EPHB1: variants seen among roughly 807,000 people sequenced by gnomAD.
EPHB1 encodes ephrin type-B receptor 1.
In EPHB1, 30 loss-of-function variants were observed where a neutral mutation model predicts 94.4. The ratio of observed to expected loss-of-function variants is 0.32; its 90% CI spans 0.24 to 0.43. The LOEUF is 0.43. Ranked by LOEUF, EPHB1 falls within the 20% of genes least tolerant of loss-of-function variation. The probability of loss-of-function intolerance (pLI) is 1.00; values close to 1 mark genes in which losing one functional copy is unlikely to be tolerated. For missense variants in EPHB1, 1,055 were observed against 1,308.3 expected, an observed-to-expected ratio of 0.81 and a Z score of 2.99; for synonymous variants, 522 against 489.1, an observed-to-expected ratio of 1.07 and a Z score of -0.89.
intron 3 of EPHB1, among the ~76,000 whole-genome samples, chr3:135,073,266 C>T (rs1937789588): frequency 6.6e-6 from 1 of 152,120 alleles, no homozygotes; most frequent in Admixed American, 6.5e-5. Flanking sequence ...TTAATTAGAT[C>T]TTGAATTATT....
chr3:135,145,559 T>C (rs1445172593), intron 5 of EPHB1, among the ~76,000 whole-genome samples: 4 of 152,242 alleles, frequency 2.6e-5, no homozygotes, highest in Admixed American at 6.5e-5. Context: ...CATTGTTCTG[T>C]TTCACACTTT....
At chr3:134,858,437 G>A (rs769374185) in intron 1 of EPHB1, among the ~76,000 whole-genome samples, 8 of 152,080 alleles carry the variant, frequency 5.3e-5, no homozygotes, top group East Asian at 1.9e-4. Context: ...AATTACTGCC[G>A]AACATCTGTT....
chr3:135,218,493 G>A (rs1349850961), intron 12 of EPHB1, among the ~76,000 whole-genome samples: 1 of 152,212 alleles, frequency 6.6e-6, no homozygotes, highest in Non-Finnish European at 1.5e-5. Flanking sequence ...GAGCCAGCAT[G>A]TACCCAGGGA....
chr3:134,868,650 C>A (rs1280754729), intron 1 of EPHB1, among the ~76,000 whole-genome samples: 1 of 152,096 alleles, frequency 6.6e-6, no homozygotes, highest in Non-Finnish European at 1.5e-5. Context: ...CAGTTCAGTT[C>A]AGTAGATATT....
chr3:134,984,434 T>C (rs1934520970), intron 3 of EPHB1, among the ~76,000 whole-genome samples: 1 of 152,122 alleles, frequency 6.6e-6, no homozygotes, highest in Non-Finnish European at 1.5e-5. Context: ...GAAGGCAGTG[T>C]CCAAAGGAAG....
At chr3:135,116,526 G>A (rs547904250) in intron 4 of EPHB1, among the ~76,000 whole-genome samples, 1 of 152,300 alleles carries the variant, frequency 6.6e-6, no homozygotes, top group East Asian at 1.9e-4. Flanking sequence ...TCTGAGCTGT[G>A]TCTCACTCCT....
intron 10 of EPHB1, among the ~76,000 whole-genome samples, chr3:135,192,335 T>TAAAACAAAC (rs1553746551): frequency 7.9e-5 from 12 of 152,122 alleles, no homozygotes; most frequent in South Asian, 2.1e-4. Flanking sequence ...AAATTCCACT[T>TAAAACAAAC]TAGTTACCCA....
At chr3:134,803,312 A>G (rs1208586940) in intron 1 of EPHB1, among the ~76,000 whole-genome samples, 1 of 152,216 alleles carries the variant, frequency 6.6e-6, no homozygotes, top group Non-Finnish European at 1.5e-5. Context: ...GGTGATAATG[A>G]ACAGAGAAAT....
At chr3:135,208,290 CGTGTGTGT>C (rs55947191) in intron 12 of EPHB1, among the ~76,000 whole-genome samples, 3,109 of 142,714 alleles carry the variant, frequency 0.022, 48 homozygotes, top group Non-Finnish European at 0.029. Context: ...CCTTTCATGA[CGTGTGTGT>C]GTGTGTGTGT....
At chr3:135,218,433 G>T (rs6802560) in intron 12 of EPHB1, among the ~76,000 whole-genome samples, 90,473 of 152,100 alleles carry the variant, frequency 0.59, 28,531 homozygotes, top group Middle Eastern at 0.74. Context: ...TTCTTAGTAA[G>T]GCCTGTATAT....
chr3:134,934,429 C>G (rs888121513), intron 2 of EPHB1, among the ~76,000 whole-genome samples: 1 of 152,016 alleles, frequency 6.6e-6, no homozygotes, highest in Non-Finnish European at 1.5e-5. Context: ...ACTCCAGGGC[C>G]GTGCGTGGGT....
chr3:135,066,771 A>G (rs575573225), intron 3 of EPHB1, among the ~76,000 whole-genome samples: 1 of 151,842 alleles, frequency 6.6e-6, no homozygotes, highest in Admixed American at 6.6e-5. Flanking sequence ...AAAGGACCTT[A>G]TTTTGTCATA....
chr3:134,925,404 C>T (rs1398977163), intron 1 of EPHB1, among the ~76,000 whole-genome samples: 3 of 152,132 alleles, frequency 2.0e-5, no homozygotes, highest in Admixed American at 1.3e-4. Flanking sequence ...AAAGAGGTGG[C>T]CTAGAAAGGC....
chr3:135,203,028 C>T (rs1942798329), intron 12 of EPHB1, among the ~76,000 whole-genome samples: 2 of 152,214 alleles, frequency 1.3e-5, no homozygotes, highest in Admixed American at 6.5e-5. Flanking sequence ...CCATGGAATA[C>T]TATGCAGCCA....
intron 3 of EPHB1, among the ~76,000 whole-genome samples, chr3:135,008,632 G>A (rs1238970106): frequency 6.6e-6 from 1 of 152,198 alleles, no homozygotes; most frequent in Non-Finnish European, 1.5e-5. Flanking sequence ...CAGCAAAATG[G>A]GAGAGGTGAA....
chr3:134,957,285 A>G (rs1281468959), intron 3 of EPHB1, among the ~76,000 whole-genome samples: 2 of 152,210 alleles, frequency 1.3e-5, no homozygotes, highest in Non-Finnish European at 2.9e-5. Context: ...CCCAGCTCTA[A>G]GCAGCAGACC....
chr3:134,864,045 C>T (rs760489337), intron 1 of EPHB1, among the ~76,000 whole-genome samples: 1 of 152,178 alleles, frequency 6.6e-6, no homozygotes, highest in Non-Finnish European at 1.5e-5. Flanking sequence ...GAAAAATGCT[C>T]TCAGGAAAGT....
chr3:135,149,053 A>G (rs957510801), intron 5 of EPHB1, among the ~76,000 whole-genome samples: 8 of 152,136 alleles, frequency 5.3e-5, no homozygotes, highest in East Asian at 1.9e-4. Flanking sequence ...ATTTGCTAAG[A>G]AAGGGTGCAG....
intron 9 of EPHB1, among the ~76,000 whole-genome samples, chr3:135,174,055 C>T (rs1430831869): frequency 1.3e-5 from 2 of 152,220 alleles, no homozygotes; most frequent in Non-Finnish European, 2.9e-5. Context: ...TGTTATCTTA[C>T]ACCTGAATTT....
Sources: allele counts gnomAD v4.1 joint callset (sites outside exome capture counted in the v4.1 genomes callset), GRCh38; gene constraint gnomAD v4.1.1; transcripts MANE v1.5; gene names NCBI Gene and HGNC (gene_info 2026-07-23, HGNC 2026-07-21).